Variants in TTN observed in about 807,000 individuals in gnomAD.
TTN encodes connectin.
In TTN, 1,525 loss-of-function variants were observed where a neutral mutation model predicts 3,223.0. The observed-to-expected ratio is 0.47, with a 90% CI of 0.45 to 0.49. The LOEUF is 0.49. Ranked by LOEUF, TTN falls within the 20% of genes least tolerant of loss-of-function variation. The pLI is 0.00. For synonymous variants in TTN, 14,094 were observed against 15,161.0 expected, an observed-to-expected ratio of 0.93 and a Z score of 5.17; for missense variants, 40,786 against 43,424.0, an observed-to-expected ratio of 0.94 and a Z score of 5.40.
At chr2:178,680,223 A>C (rs1435485307) in intron 139 of TTN, 31 bp downstream of exon 139, 2 of 1,608,010 alleles carry the variant, frequency 1.2e-6, no homozygotes, top group Non-Finnish European at 1.7e-6. Context: ...CAAAAGACGA[A>C]CAAAACATTA....
intron 47 of TTN, chr2:178,748,581 G>A (rs1442939416): frequency 6.2e-7 from 1 of 1,613,058 alleles, no homozygotes; most frequent in Non-Finnish European, 8.5e-7. Flanking sequence ...TCAGCAGGAT[G>A]TTGGATTTTA....
rs192391568 is a variant in TTN, at chr2:178,535,402, C to T, written c.101213G>A (p.Arg33738His). The T allele has an allele frequency of 5.6e-5, 91 of 1,613,928 alleles. No homozygotes were observed. The highest frequency in any genetic ancestry group is 5.2e-4 in the South Asian group (47 of 91,084). ...KCATTAERWL[R>H]VGQARETRYT... ...ACGTGTTTCTCGGGCCTGTCCTACA[C>T]GGAGCCATCTTTCTGCAGTAGTTGC... The change falls in exon 358 of 363, where the codon CGT (arginine) becomes CAT (histidine). Residue 33738 changes from arginine (R) to histidine (H), a missense_variant. Arg to His is a conservative substitution (Grantham distance 29, BLOSUM62 0). Coordinates refer to ENST00000589042, the MANE Select transcript of TTN (RefSeq NM_001267550.2).
chr2:178,762,978 A>C (rs2089602041), intron 43 of TTN, among the ~76,000 whole-genome samples: 1 of 152,224 alleles, frequency 6.6e-6, no homozygotes. Context: ...ATTGGGTCAG[A>C]AGACCAACTG....
In TTN at chr2:178,710,776, C is replaced by T. The variant is rs397517529; in HGVS notation, c.28321G>A (p.Gly9441Arg). 8.1e-6 allele frequency: 13 copies of T among 1,613,742 alleles called. No individual in the cohort carries two copies. The highest frequency in any genetic ancestry group is 3.3e-5 in the South Asian group (3 of 91,080). Residue 9441 changes from glycine (G) to arginine (R), a missense_variant, in exon 98 of 363, where the codon GGA (glycine) becomes AGA (arginine). Gly to Arg is a moderately radical substitution (Grantham distance 125). Coordinates refer to ENST00000589042, the MANE Select transcript of TTN (RefSeq NM_001267550.2). ...TCCAGATAACTAATCTGGTACTTTC[C>T]GCCACTTCGTATTTCTCTGCTGTCT... ...AKDSREIRSG[G>R]KYQISYLENS...
Position 178,731,201 on chromosome 2 carries a change from G to A in TTN, c.17464C>T (p.Pro5822Ser), listed in dbSNP as rs1429246623. ...RCSALLSVKE[P>S]ATITEEAVSI... ...ACAGCTTCCTCGGTGATTGTTGCAGGTTCTGTAGAAAACAAAGGGATAGAT... is the reference window on the plus strand; with the variant it reads ...ACAGCTTCCTCGGTGATTGTTGCAGATTCTGTAGAAAACAAAGGGATAGAT... The change falls in exon 60 of 363, where the codon CCT becomes TCT. Residue 5822 changes from proline (P) to serine (S), a missense_variant and splice_region_variant. Transcript: ENST00000589042. 4 of 1,612,652 alleles carry A rather than the reference G, an allele frequency of 2.5e-6. No homozygotes were observed. The East Asian group carries it at 6.7e-5, about 27-fold the overall frequency.
intron 243 of TTN, 70 bp from the exon 244 acceptor site, chr2:178,622,078 A>G: frequency 1.2e-5 from 17 of 1,432,838 alleles, no homozygotes; most frequent in Non-Finnish European, 1.6e-5. Flanking sequence ...AAGAAAAACT[A>G]TGATCCTGAG....
intron 335 of TTN, 52 bp from the exon 336 acceptor site, chr2:178,551,312 T>TA: frequency 3.4e-6 from 5 of 1,465,408 alleles, no homozygotes; most frequent in Non-Finnish European, 4.6e-6. Flanking sequence ...AACCAGGTCT[T>TA]AATCATCCAT....
chr2:178,665,210 C>A (rs2065709394), intron 165 of TTN, among the ~76,000 whole-genome samples, 167 bp downstream of exon 165: 1 of 152,056 alleles, frequency 6.6e-6, no homozygotes, highest in Non-Finnish European at 1.5e-5. Context: ...GCAGAAACAG[C>A]CATAAATAAT....
At chr2:178,746,040 T>C (rs770883776) in intron 47 of TTN, 1 of 1,613,472 alleles carries the variant, frequency 6.2e-7, no homozygotes, top group Non-Finnish European at 8.5e-7. Context: ...TTCACAGCTC[T>C]GCACCTGTAT....
In TTN at chr2:178,784,282, T is replaced by A. The variant is rs1188292276; in HGVS notation, c.2563A>T (p.Ile855Phe). 6.2e-7 allele frequency: 1 copy of A among 1,614,110 alleles called. No individual in the cohort carries two copies. The highest frequency in any genetic ancestry group is 2.2e-5 in the East Asian group (1 of 44,856). The change falls in exon 16 of 363, where the codon ATC becomes TTC. Residue 855 changes from isoleucine (I) to phenylalanine (F), a missense_variant. Ile to Phe is a conservative substitution (Grantham distance 21). Coordinates refer to ENST00000589042, the MANE Select transcript of TTN (RefSeq NM_001267550.2). Reference sequence around the variant, plus strand: ...GTAGGAGCCTTCACCGATTTGGTGATCTTCTGAGCAGAAGATGTGGCTGAC... The same window carrying A: ...GTAGGAGCCTTCACCGATTTGGTGAACTTCTGAGCAGAAGATGTGGCTGAC... Reference protein sequence around the residue: ...ELSATSSAQKITKSVKAPTVK... With the variant: ...ELSATSSAQKFTKSVKAPTVK...
intron 145 of TTN, 58 bp from the exon 146 acceptor site, chr2:178,677,975 A>C (rs1459842131): frequency 6.4e-7 from 1 of 1,566,720 alleles, no homozygotes; most frequent in Non-Finnish European, 8.6e-7. Flanking sequence ...TATTCACAAC[A>C]ATGAAGAAGC....
At chr2:178,652,390 C>A (rs775824034) in intron 202 of TTN, 43 bp from the exon 203 acceptor site, 3 of 1,613,118 alleles carry the variant, frequency 1.9e-6, no homozygotes, top group African/African-American at 2.7e-5. Context: ...ATTATGAAGA[C>A]CACTAGAAAA....
Position 178,751,119 on chromosome 2 carries a change from T to C in TTN, c.11311+2005A>G, listed in dbSNP as rs1389543235. ...ATACTCTCAGCTGAATGATCTACCT[T>C]ATAACTTTCAGCTAGATCAGACATA... On this transcript the variant is annotated intron_variant, in intron 47 of 362. Transcript: ENST00000589042. The C allele has an allele frequency of 1.9e-6, 3 of 1,612,772 alleles. No homozygotes were observed. The Admixed American group carries it at 5.0e-5, about 27-fold the overall frequency.
rs1450104064 is a variant in TTN at position 178,610,409 on chromosome 2, T to C, written c.51137-20A>G. 1 of 1,603,248 alleles carries C rather than the reference T, an allele frequency of 6.2e-7. No individual in the cohort carries two copies. ...GTAGGCCTATTACAAAAATGGATAA[T>C]TATTCTAGTAATCCTGAAAAATCAG... On this transcript the variant is annotated intron_variant, in intron 270 of 362. Transcript: ENST00000589042.
Position 178,582,124 on chromosome 2 carries a change from T to C in TTN, c.66245A>G (p.Asp22082Gly). The C allele has an allele frequency of 6.2e-7, 1 of 1,612,852 alleles. No homozygotes were observed. The highest frequency in any genetic ancestry group is 8.5e-7 in the Non-Finnish European group (1 of 1,179,522). ...MTVSWKPPAD[D>G]GGSPITGYLL... ...ATAGCCAGTGATGGGTGAGCCCCCA[T>C]CATCTGCTGGTGGCTTCCAGCTGAC... The change falls in exon 315 of 363, where the codon GAT becomes GGT. Residue 22082 changes from aspartate to glycine, a missense_variant. Asp to Gly is a moderately conservative substitution (Grantham distance 94). Transcript: ENST00000589042.
intron 4 of TTN, among the ~76,000 whole-genome samples, 170 bp from the exon 5 acceptor site, chr2:178,800,080 A>G: frequency 6.6e-6 from 1 of 152,368 alleles, no homozygotes; most frequent in Non-Finnish European, 1.5e-5. Flanking sequence ...AAAAATAGAA[A>G]ATGTTCATTA....
At position 178,546,302 on chromosome 2, in the gene TTN, A is replaced by G. The variant is rs1559147244; in HGVS notation, c.95029T>C (p.Phe31677Leu). ...TTTCCACTGTCACTTCTGTCACAGA[A>G]CTTGATCACAGCAGTTGCTCGTTTG... ...TGKRATAVIK[F>L]CDRSDSGKYT... Residue 31677 changes from phenylalanine to leucine, a missense_variant, in exon 342 of 363, where the codon TTC becomes CTC. By Grantham distance (22) the Phe-to-Leu change is conservative (BLOSUM62 0). Coordinates refer to ENST00000589042, the MANE Select transcript of TTN (RefSeq NM_001267550.2). 1.2e-6 allele frequency: 2 copies of G among 1,613,852 alleles called. No individual in the cohort carries two copies. The highest frequency in any genetic ancestry group is 1.7e-6 in the Non-Finnish European group (2 of 1,179,770).
Position 178,720,488 on chromosome 2 carries a change from A to C in TTN, c.23274T>G (p.Ser7758Arg), listed in dbSNP as rs1402117670. ...AGGCTTCAAGATTAAGGATATGAAGACTTGTATCAAAATGTTTTGAAGTGA... is the reference window on the plus strand; with the variant it reads ...AGGCTTCAAGATTAAGGATATGAAGCCTTGTATCAAAATGTTTTGAAGTGA... ...FKITSKHFDT[S>R]LHILNLEASD... is the part of the protein sequence containing the mutation. Residue 7758 changes from serine (S) to arginine (R), a missense_variant, in exon 80 of 363, where the codon AGT becomes AGG. Coordinates refer to ENST00000589042, the MANE Select transcript of TTN (RefSeq NM_001267550.2). The C allele has an allele frequency of 4.3e-6, 7 of 1,613,706 alleles. No individual in the cohort carries two copies. The South Asian group carries it at 5.5e-5, about 13-fold the overall frequency.
At position 178,729,563 on chromosome 2, in the gene TTN, G is replaced by C; in HGVS notation, c.18593C>G (p.Pro6198Arg). 1 of 1,611,924 alleles carries C rather than the reference G, an allele frequency of 6.2e-7. No homozygotes were observed. The highest frequency in any genetic ancestry group is 1.1e-5 in the South Asian group (1 of 90,958). Residue 6198 changes from proline to arginine, a missense_variant, in exon 64 of 363, where the codon CCC (proline) becomes CGC (arginine). By Grantham distance (103) the Pro-to-Arg change is moderately radical. Transcript: ENST00000589042. ...CTTCAGCTCTCTGATAAAGGTGGGG[G>C]GTTCTAAAGATTCAAAAGGAAGACA... ...SCSIELKVKE[P>R]PTFIRELKPV...
Sources: allele counts gnomAD v4.1 joint callset (sites outside exome capture counted in the v4.1 genomes callset), GRCh38; gene constraint gnomAD v4.1.1; transcripts MANE v1.5; gene names NCBI Gene and HGNC (gene_info 2026-07-23, HGNC 2026-07-21).